Variants in GLI2 observed in about 807,000 individuals in gnomAD.
GLI2 encodes transcription activator GLI2.
A neutral mutation model predicts 78.9 loss-of-function variants in GLI2; 22 were observed. That is an observed-to-expected ratio of 0.28 (90% CI 0.20 to 0.40). The LOEUF is 0.40. Among genes scored for constraint, GLI2 ranks in the 10% least tolerant of loss-of-function variants. GLI2 has a pLI of 1.00. For synonymous variants in GLI2, 974 were observed against 963.7 expected (o/e 1.01, Z -0.20); for missense variants, 2,097 against 2,213.2 (o/e 0.95, Z 1.05).
chr2:120,896,621 C>T (rs1044352054), intron 2 of GLI2, among the ~76,000 whole-genome samples: 7 of 150,442 alleles, frequency 4.7e-5, no homozygotes, highest in Non-Finnish European at 8.9e-5. Context: ...ACCATGGCTT[C>T]CTTTGAAAAA....
At chr2:120,911,919 TGG>T (rs1191232680) in intron 2 of GLI2, among the ~76,000 whole-genome samples, 1 of 152,096 alleles carries the variant, frequency 6.6e-6, no homozygotes, top group African/African-American at 2.4e-5. Flanking sequence ...GGAGAGTCTG[TGG>T]GGCAGGATCT....
At chr2:120,805,869 C>T (rs960818310) in intron 2 of GLI2, among the ~76,000 whole-genome samples, 1 of 152,220 alleles carries the variant, frequency 6.6e-6, no homozygotes, top group African/African-American at 2.4e-5. Flanking sequence ...TTAGTATATT[C>T]TGGGGTTTAT....
At chr2:120,982,366 T>C (rs1305310390) in intron 10 of GLI2, among the ~76,000 whole-genome samples, 2 of 152,226 alleles carry the variant, frequency 1.3e-5, no homozygotes, top group African/African-American at 4.8e-5. Flanking sequence ...TTTAATGATA[T>C]GGGAATATGC....
At chr2:120,946,238 T>C (rs981572420) in intron 3 of GLI2, among the ~76,000 whole-genome samples, 2 of 152,156 alleles carry the variant, frequency 1.3e-5, no homozygotes, top group African/African-American at 2.4e-5. Flanking sequence ...TACAGGTCCC[T>C]AGGCACAGCC....
At chr2:120,850,544 T>C (rs1437939045) in intron 2 of GLI2, among the ~76,000 whole-genome samples, 1 of 152,358 alleles carries the variant, frequency 6.6e-6, no homozygotes, top group East Asian at 1.9e-4. Context: ...CTTTGGCCTT[T>C]ACTTAAGGAT....
At chr2:120,797,203 A>T in intron 1 of GLI2, 88 bp from the exon 2 acceptor site, 1 of 942,060 alleles carries the variant, frequency 1.1e-6, no homozygotes, top group Non-Finnish European at 1.7e-6. Context: ...TGGTTGCTTT[A>T]GGAGCGAGCG....
At chr2:120,851,092 A>G (rs148987505) in intron 2 of GLI2, among the ~76,000 whole-genome samples, 2 of 152,320 alleles carry the variant, frequency 1.3e-5, no homozygotes, top group Non-Finnish European at 2.9e-5. Context: ...CCTTTTGGCT[A>G]AGATCAAGTG....
intron 2 of GLI2, among the ~76,000 whole-genome samples, chr2:120,873,530 C>T (rs1163598980): frequency 6.6e-6 from 1 of 152,224 alleles, no homozygotes. Flanking sequence ...AGCCTCTGGA[C>T]ACCCACAGTG....
In GLI2 at chr2:120,834,980, C is replaced by T. The variant is rs183424167; in HGVS notation, c.148+37512C>T. Among the ~76,000 whole-genome samples the T allele has an allele frequency of 1.6e-4, 24 of 152,244 alleles. No homozygotes were observed. In the East Asian group the frequency reaches 2.9e-3, roughly 18 times the overall value. On this transcript the variant is annotated intron_variant, in intron 2 of 13. Coordinates refer to ENST00000361492, the MANE Select transcript of GLI2 (RefSeq NM_001374353.1). Reference sequence around the variant, plus strand: ...CAGCTCGTTTTCCACTGTTTGTGTGCGACATTTGGGTGGAGTTGTGACCAG... The same window carrying T: ...CAGCTCGTTTTCCACTGTTTGTGTGTGACATTTGGGTGGAGTTGTGACCAG...
At chr2:120,865,237 T>C (rs1688073050) in intron 2 of GLI2, among the ~76,000 whole-genome samples, 1 of 152,182 alleles carries the variant, frequency 6.6e-6, no homozygotes, top group Non-Finnish European at 1.5e-5. Context: ...GAGGGGAGCC[T>C]CATCGATGAG....
chr2:120,982,933 C>A, intron 11 of GLI2, 53 bp downstream of exon 11: 1 of 1,556,338 alleles, frequency 6.4e-7, no homozygotes, highest in Non-Finnish European at 8.8e-7. Context: ...CACTGACGCC[C>A]CATGGCTTCC....
At chr2:120,943,714 G>A (rs537416458) in intron 3 of GLI2, among the ~76,000 whole-genome samples, 143 of 152,318 alleles carry the variant, frequency 9.4e-4, no homozygotes, top group Non-Finnish European at 1.5e-3. Flanking sequence ...CACAGATCTT[G>A]GAGCAAAGCC....
chr2:120,736,754 G>T (rs1328575168), intron 1 of GLI2, among the ~76,000 whole-genome samples: 1 of 151,950 alleles, frequency 6.6e-6, no homozygotes, highest in Non-Finnish European at 1.5e-5. Context: ...TGAGAACTTC[G>T]AACTCCACTT....
At chr2:120,951,099 G>T in intron 3 of GLI2, 144 bp from the exon 4 acceptor site, 2 of 719,736 alleles carry the variant, frequency 2.8e-6, no homozygotes, top group Non-Finnish European at 5.2e-6. Context: ...ATGACCAGGG[G>T]AATGTCGGTG....
chr2:120,916,679 G>A (rs139397544), intron 2 of GLI2, among the ~76,000 whole-genome samples: 5 of 152,360 alleles, frequency 3.3e-5, no homozygotes, highest in East Asian at 1.9e-4. Context: ...TACATTGAGC[G>A]AGTAGGGGAA....
Position 120,989,582 on chromosome 2 carries a change from A to G in GLI2, c.3617A>G (p.Gln1206Arg). 1 of 1,613,268 alleles carries G rather than the reference A, an allele frequency of 6.2e-7. No homozygotes were observed. Among genetic ancestry groups the G allele is most frequent in the Non-Finnish European group, 8.5e-7 (1 of 1,179,936 alleles). Reference sequence around the variant, plus strand: ...GGCATCCCCAGGGTAAACTACATGCAGCAGCTGCGACAGCCAGTGGCAGGC... The same window carrying G: ...GGCATCCCCAGGGTAAACTACATGCGGCAGCTGCGACAGCCAGTGGCAGGC... ...SQGIPRVNYM[Q>R]QLRQPVAGSQ... The change falls in exon 14 of 14, where the codon CAG becomes CGG. Residue 1206 changes from glutamine to arginine, a missense_variant. By Grantham distance (43) the Gln-to-Arg change is conservative. Around this residue, in one of 5 missense-constraint regions of GLI2, gnomAD observed 1,290 missense variants for 1,261.7 expected, o/e 1.02. Coordinates refer to ENST00000361492, the MANE Select transcript of GLI2 (RefSeq NM_001374353.1).
At chr2:120,814,809 G>C (rs1469339690) in intron 2 of GLI2, among the ~76,000 whole-genome samples, 4 of 130,696 alleles carry the variant, frequency 3.1e-5, no homozygotes, top group Non-Finnish European at 6.1e-5. Flanking sequence ...CGCTGCATTG[G>C]TCCCTGGAAA....
intron 1 of GLI2, among the ~76,000 whole-genome samples, chr2:120,774,001 C>G (rs979382478): frequency 8.7e-5 from 13 of 149,278 alleles, no homozygotes; most frequent in African/African-American, 3.0e-4. Context: ...CTTCCTCCCC[C>G]CTTTCTTCCC....
At chr2:120,812,705 G>C (rs1685312125) in intron 2 of GLI2, among the ~76,000 whole-genome samples, 1 of 152,176 alleles carries the variant, frequency 6.6e-6, no homozygotes, top group African/African-American at 2.4e-5. Flanking sequence ...CTGCCGGGGA[G>C]CCCCTTTCTC....
Sources: gnomAD v4.1 joint callset for allele counts (sites outside exome capture counted in the v4.1 genomes callset) on GRCh38, gnomAD v4.1.1 for gene constraint, gnomAD v4.1.1 regional missense constraint, MANE v1.5 for transcripts, NCBI Gene and HGNC (gene_info 2026-07-23, HGNC 2026-07-21) for gene names.